CHCT1: variants seen among roughly 807,000 people sequenced by gnomAD.
The protein encoded by CHCT1 is CHD1 helical C-terminal domain containing 1.
the CHCT1 span, chr17:60,426,695 G>C: frequency 1.9e-6 from 3 of 1,602,138 alleles, no homozygotes; most frequent in Non-Finnish European, 2.6e-6. Flanking sequence ...CACCTCCCCA[G>C]CCTAGGGTCT....
the CHCT1 span, chr17:60,426,062 C>T: frequency 7.2e-7 from 1 of 1,394,398 alleles, no homozygotes; most frequent in Non-Finnish European, 9.8e-7. Context: ...CACTGGGCCA[C>T]TCAGGGCTGC....
At chr17:60,429,317 C>T in the CHCT1 span, 36 of 1,575,164 alleles carry the variant, frequency 2.3e-5, no homozygotes, top group South Asian at 3.4e-4. Flanking sequence ...AAGTTCAGGT[C>T]CCCCTCTTCT....
At chr17:60,428,938 T>C in the CHCT1 span, among the ~76,000 whole-genome samples, 1 of 151,374 alleles carries the variant, frequency 6.6e-6, no homozygotes, top group Non-Finnish European at 1.5e-5. Context: ...AGTTTCGCTC[T>C]GTTGCCCAGG....
chr17:60,422,132 C>T, the CHCT1 span: 2 of 313,798 alleles, frequency 6.4e-6, no homozygotes, highest in Non-Finnish European at 1.1e-5. Context: ...ACCTCTGTCC[C>T]AAATCAGAAA....
chr17:60,431,371 C>T, the CHCT1 span: 3 of 758,894 alleles, frequency 4.0e-6, no homozygotes, highest in South Asian at 5.2e-5. Flanking sequence ...ATTCTCAGGT[C>T]TTAATTAGGA....
chr17:60,430,953 G>A, the CHCT1 span, among the ~76,000 whole-genome samples: 1 of 152,226 alleles, frequency 6.6e-6, no homozygotes, highest in African/African-American at 2.4e-5. Flanking sequence ...CTTTGGGCAG[G>A]TCATTGCTTT....
the CHCT1 span, chr17:60,431,416 G>A: frequency 1.7e-6 from 1 of 599,252 alleles, no homozygotes; most frequent in Non-Finnish European, 2.9e-6. Context: ...TCTTATGACA[G>A]TTCTACCTTA....
the CHCT1 span, chr17:60,429,453 A>G: frequency 2.5e-6 from 4 of 1,614,256 alleles, no homozygotes; most frequent in Non-Finnish European, 3.4e-6. Context: ...TGGGGGCTGC[A>G]CAGCAACATC....
chr17:60,421,717 C>A, the CHCT1 span: 2 of 793,958 alleles, frequency 2.5e-6, no homozygotes, highest in Non-Finnish European at 1.5e-6. Flanking sequence ...CCCTGCCCGG[C>A]CAACTCAGAC....
At chr17:60,423,572 T>A in the CHCT1 span, among the ~76,000 whole-genome samples, 2 of 152,188 alleles carry the variant, frequency 1.3e-5, no homozygotes, top group Non-Finnish European at 2.9e-5. Flanking sequence ...CCAGCAATTC[T>A]CCTGCCCCAG....
At chr17:60,426,911 C>G in the CHCT1 span, 2 of 1,528,422 alleles carry the variant, frequency 1.3e-6, no homozygotes, top group Non-Finnish European at 1.8e-6. Flanking sequence ...CACCCAGAGC[C>G]CCTCTGGTCC....
chr17:60,429,562 T>C, the CHCT1 span: 1 of 1,613,306 alleles, frequency 6.2e-7, no homozygotes, highest in Non-Finnish European at 8.5e-7. Flanking sequence ...AGAAAGGTAA[T>C]GACCATTTGG....
At chr17:60,427,990 G>A in the CHCT1 span, among the ~76,000 whole-genome samples, 1 of 152,124 alleles carries the variant, frequency 6.6e-6, no homozygotes, top group African/African-American at 2.4e-5. Flanking sequence ...GGTTTCATTA[G>A]AATCCATTGG....
At chr17:60,430,665 G>C in the CHCT1 span, among the ~76,000 whole-genome samples, 1 of 152,156 alleles carries the variant, frequency 6.6e-6, no homozygotes, top group African/African-American at 2.4e-5. Context: ...ATTTTTAGTA[G>C]AGATGGGGTT....
At chr17:60,424,537 G>T in the CHCT1 span, among the ~76,000 whole-genome samples, 4 of 152,192 alleles carry the variant, frequency 2.6e-5, no homozygotes, top group African/African-American at 9.7e-5. Flanking sequence ...GAATCATGAG[G>T]TCAGCCTGCT....
the CHCT1 span, among the ~76,000 whole-genome samples, chr17:60,423,084 T>C: frequency 1.3e-5 from 2 of 152,172 alleles, no homozygotes; most frequent in Non-Finnish European, 2.9e-5. Flanking sequence ...CTAGAATTCA[T>C]ACTTTTCTGA....
the CHCT1 span, among the ~76,000 whole-genome samples, chr17:60,428,270 G>A: frequency 6.6e-6 from 1 of 152,098 alleles, no homozygotes; most frequent in Non-Finnish European, 1.5e-5. Flanking sequence ...GGAAGGAAGA[G>A]GAAGGGTTCA....
At chr17:60,425,908 C>A in the CHCT1 span, 49 of 1,526,200 alleles carry the variant, frequency 3.2e-5, no homozygotes, top group Admixed American at 3.9e-5. Flanking sequence ...CAGCCTGGAA[C>A]CCTGTCCCCT....
At chr17:60,426,485 C>T in the CHCT1 span, 1 of 1,058,070 alleles carries the variant, frequency 9.5e-7, no homozygotes, top group Non-Finnish European at 1.3e-6. Flanking sequence ...CCTAGTCACT[C>T]AGGACAGCCC....
Sources: gnomAD v4.1 joint callset for allele counts (sites outside exome capture counted in the v4.1 genomes callset) on GRCh38, gnomAD v4.1.1 for gene constraint, MANE v1.5 for transcripts, NCBI Gene and HGNC (gene_info 2026-07-23, HGNC 2026-07-21) for gene names.